The following GRID1 variants were observed in gnomAD, a reference collection of about 807,000 sequenced individuals.
GRID1 encodes glutamate ionotropic receptor delta type subunit 1, also known as glutamate receptor ionotropic, delta-1.
GRID1 carries 28 observed loss-of-function variants against 98.0 expected under a neutral mutation model. That is an observed-to-expected ratio of 0.29 (90% CI 0.21 to 0.39). The LOEUF (loss-of-function observed/expected upper bound fraction) is 0.39. Among genes scored for constraint, GRID1 ranks in the 10% least tolerant of loss-of-function variants. The pLI, the probability that GRID1 is intolerant of heterozygous loss-of-function variation, is 1.00. For synonymous variants in GRID1, 553 were observed against 538.5 expected, an observed-to-expected ratio of 1.03 and a Z score of -0.37; for missense variants, 1,111 against 1,340.5, an observed-to-expected ratio of 0.83 and a Z score of 2.67.
At chr10:86,239,991 C>A (rs945786535) in intron 2 of GRID1, among the ~76,000 whole-genome samples, 1 of 152,154 alleles carries the variant, frequency 6.6e-6, no homozygotes, top group Admixed American at 6.5e-5. Flanking sequence ...CACAGGTACA[C>A]ACAGAGGGAA....
intron 4 of GRID1, among the ~76,000 whole-genome samples, chr10:86,055,686 T>C (rs1482687434): frequency 6.6e-6 from 1 of 152,156 alleles, no homozygotes; most frequent in Non-Finnish European, 1.5e-5. Context: ...GAGGTTGCAG[T>C]GAGCCGAGAT....
chr10:86,028,409 C>A (rs1041090902), intron 4 of GRID1, among the ~76,000 whole-genome samples: 1 of 152,166 alleles, frequency 6.6e-6, no homozygotes, highest in Admixed American at 6.5e-5. Flanking sequence ...TGGTATGGAC[C>A]GATTTACTGT....
chr10:86,080,754 A>C (rs1180306378), intron 4 of GRID1, among the ~76,000 whole-genome samples: 1 of 152,120 alleles, frequency 6.6e-6, no homozygotes, highest in Non-Finnish European at 1.5e-5. Context: ...GGGAAGGAAA[A>C]GCAGCACACT....
chr10:85,686,929 G>T (rs1191151990), intron 12 of GRID1, among the ~76,000 whole-genome samples: 1 of 151,828 alleles, frequency 6.6e-6, no homozygotes, highest in Admixed American at 6.6e-5. Flanking sequence ...GGATGATTAT[G>T]GTTACAAAGA....
intron 8 of GRID1, among the ~76,000 whole-genome samples, chr10:85,750,845 T>A (rs566891734): frequency 2.5e-4 from 38 of 152,200 alleles, no homozygotes; most frequent in African/African-American, 8.9e-4. Flanking sequence ...AAAAGGAAAC[T>A]ACCCAAAATC....
intron 12 of GRID1, among the ~76,000 whole-genome samples, chr10:85,701,591 G>A (rs970265327): frequency 6.6e-6 from 1 of 152,144 alleles, no homozygotes; most frequent in African/African-American, 2.4e-5. Flanking sequence ...ACTTGAAAGG[G>A]TGATTCTAAC....
intron 3 of GRID1, among the ~76,000 whole-genome samples, chr10:86,156,857 G>C (rs1845252806): frequency 6.6e-6 from 1 of 152,202 alleles, no homozygotes; most frequent in Non-Finnish European, 1.5e-5. Context: ...AAACAGGGCT[G>C]GGCCAACAGA....
chr10:86,149,562 CA>C (rs1224378056), intron 3 of GRID1, among the ~76,000 whole-genome samples: 1 of 152,166 alleles, frequency 6.6e-6, no homozygotes, highest in African/African-American at 2.4e-5. Flanking sequence ...AAAACAAACA[CA>C]GGGAAAAACA....
chr10:86,360,508 A>G (rs1848586546), intron 2 of GRID1, among the ~76,000 whole-genome samples: 1 of 152,232 alleles, frequency 6.6e-6, no homozygotes, highest in African/African-American at 2.4e-5. Context: ...TTCTTTTATA[A>G]TCAGGGAAAA....
intron 12 of GRID1, among the ~76,000 whole-genome samples, chr10:85,663,423 G>A (rs1840987575): frequency 6.6e-6 from 1 of 152,180 alleles, no homozygotes; most frequent in Non-Finnish European, 1.5e-5. Flanking sequence ...CTCCCTCACA[G>A]CCCTCAGAAG....
intron 4 of GRID1, among the ~76,000 whole-genome samples, chr10:86,127,137 C>CT (rs776297091): frequency 3.9e-5 from 6 of 152,204 alleles, no homozygotes; most frequent in Non-Finnish European, 7.3e-5. Context: ...CCCTGCTTCG[C>CT]TAGGCACAGG....
At chr10:85,614,707 CAG>C (rs1213778783) in intron 14 of GRID1, among the ~76,000 whole-genome samples, 2 of 152,124 alleles carry the variant, frequency 1.3e-5, no homozygotes, top group Non-Finnish European at 2.9e-5. Context: ...TAGGTGAGGA[CAG>C]GGAAGAAGGC....
chr10:85,643,512 T>C (rs1016753360), intron 13 of GRID1, among the ~76,000 whole-genome samples: 2 of 152,064 alleles, frequency 1.3e-5, no homozygotes, highest in East Asian at 1.9e-4. Context: ...GGCCGCTCCA[T>C]AGGAGTAGGG....
intron 4 of GRID1, among the ~76,000 whole-genome samples, chr10:85,932,607 C>G (rs1841870521): frequency 6.6e-6 from 1 of 152,172 alleles, no homozygotes; most frequent in African/African-American, 2.4e-5. Context: ...ACACTTTAAC[C>G]CTTTGCCATC....
chr10:85,956,955 G>A (rs1033498699), intron 4 of GRID1, among the ~76,000 whole-genome samples: 10 of 152,164 alleles, frequency 6.6e-5, no homozygotes, highest in African/African-American at 1.9e-4. Context: ...CCACATGGCT[G>A]GGAAGGCCTC....
intron 4 of GRID1, among the ~76,000 whole-genome samples, chr10:85,968,490 A>C (rs184329897): frequency 1.3e-4 from 20 of 151,948 alleles, no homozygotes; most frequent in African/African-American, 4.8e-4. Flanking sequence ...CTGTAATAAC[A>C]CTTTTAAATC....
At chr10:85,814,523 A>G (rs1398036092) in intron 8 of GRID1, among the ~76,000 whole-genome samples, 1 of 152,030 alleles carries the variant, frequency 6.6e-6, no homozygotes, top group African/African-American at 2.4e-5. Context: ...TGAAAAGATG[A>G]GTAAGATTGA....
At position 85,727,841 on chromosome 10, in the gene GRID1, C is replaced by T. The variant is rs771398239; in HGVS notation, c.1533+14G>A. 2.5e-6 allele frequency: 4 copies of T among 1,606,138 alleles called. No homozygotes were observed. The African/African-American group carries it at 4.0e-5, about 16-fold the overall frequency. ...TAGGGTGCCCCTCCCCCTGGATCTG[C>T]TATGGGGACCTACCTTGCTGATGAG... is the stretch of plus-strand genomic sequence containing the variant. On this transcript the variant is annotated intron_variant, in intron 10 of 15. Coordinates refer to ENST00000327946, the MANE Select transcript of GRID1 (RefSeq NM_017551.3).
chr10:85,848,679 T>A (rs1310506153), intron 8 of GRID1, among the ~76,000 whole-genome samples: 1 of 152,226 alleles, frequency 6.6e-6, no homozygotes, highest in East Asian at 1.9e-4. Context: ...ACTTTTACGT[T>A]CTTCTTTTCA....
Sources: gnomAD v4.1 joint callset for allele counts (sites outside exome capture counted in the v4.1 genomes callset) on GRCh38, gnomAD v4.1.1 for gene constraint, MANE v1.5 for transcripts, NCBI Gene and HGNC (gene_info 2026-07-23, HGNC 2026-07-21) for gene names.